The following INPP4A variants were observed in gnomAD, a reference collection of about 807,000 sequenced individuals.
INPP4A encodes inositol polyphosphate-4-phosphatase type I A, also known as inositol polyphosphate-4-phosphatase, type I, 107kD.
A neutral mutation model predicts 119.8 loss-of-function variants in INPP4A; 33 were observed. That is an observed-to-expected ratio of 0.28 (90% CI 0.21 to 0.37). INPP4A has a LOEUF of 0.37. Ranked by LOEUF, INPP4A falls within the 10% of genes least tolerant of loss-of-function variation. The probability of loss-of-function intolerance (pLI) is 1.00; values close to 1 mark genes in which losing one functional copy is unlikely to be tolerated. For synonymous variants in INPP4A, 496 were observed against 500.7 expected (o/e 0.99, Z 0.12); for missense variants, 956 against 1,289.9 (o/e 0.74, Z 3.97).
At chr2:98,445,424 C>A (rs1041713181) in intron 1 of INPP4A, among the ~76,000 whole-genome samples, 1 of 152,218 alleles carries the variant, frequency 6.6e-6, no homozygotes, top group Non-Finnish European at 1.5e-5. Flanking sequence ...AAGCTGGAGG[C>A]CTTGCCGTGT....
intron 1 of INPP4A, among the ~76,000 whole-genome samples, chr2:98,514,721 G>T (rs574775057): frequency 6.6e-6 from 1 of 152,156 alleles, no homozygotes. Context: ...TTTGAGACCA[G>T]CCTGGGCAAC....
In INPP4A at chr2:98,566,013, C is replaced by G. The variant is rs754237086; in HGVS notation, c.2280-16C>G. The stretch of plus-strand genomic sequence containing the variant: ...TCTGGCCTCACACTGCTCTCCCTCT[C>G]TCCACCTTTCTCCAGCGACGGGTTT... On this transcript the variant is annotated splice_polypyrimidine_tract_variant and intron_variant, in intron 20 of 24. Coordinates refer to ENST00000409851, the MANE Select transcript of INPP4A (RefSeq NM_001134225.2). This position sits in a 1 kb window ranked among gnomAD's most constrained non-coding sequence, Gnocchi z 4.2. 1 of 1,602,366 alleles carries G rather than the reference C, an allele frequency of 6.2e-7. No homozygotes were observed. Among genetic ancestry groups the G allele is most frequent in the Non-Finnish European group, 8.5e-7 (1 of 1,174,592 alleles).
At chr2:98,467,842 C>T (rs574977551) in intron 1 of INPP4A, among the ~76,000 whole-genome samples, 1 of 152,106 alleles carries the variant, frequency 6.6e-6, no homozygotes, top group South Asian at 2.1e-4. Flanking sequence ...TTATCTAGTT[C>T]TCTATTTAAT....
intron 13 of INPP4A, among the ~76,000 whole-genome samples, chr2:98,548,459 G>A (rs571381119): frequency 2.0e-5 from 3 of 152,170 alleles, no homozygotes; most frequent in Non-Finnish European, 4.4e-5. Flanking sequence ...GAGTGTGAGC[G>A]TGCAGCTTGA....
chr2:98,451,361 A>G (rs1574454344), intron 1 of INPP4A, among the ~76,000 whole-genome samples: 1 of 151,800 alleles, frequency 6.6e-6, no homozygotes, highest in Non-Finnish European at 1.5e-5. Context: ...CAGTGGGGGG[A>G]TCATGCTCTG....
rs1419016602 is a variant in INPP4A at position 98,590,610 on chromosome 2, C to G, written c.*3002C>G. 2 of 202,396 alleles carry G rather than the reference C, an allele frequency of 9.9e-6. No individual in the cohort carries two copies. Among genetic ancestry groups the G allele is most frequent in the Admixed American group, 1.2e-4 (2 of 16,710 alleles). 12.5% of individuals were successfully genotyped at this position (202,396 alleles called of 1,614,324 possible). Reference sequence around the variant, plus strand: ...TCATCTCTGTGGGTAACCCAGTCCTCGTTGTATGACTTGTCAAAATGCAGT... The same window carrying G: ...TCATCTCTGTGGGTAACCCAGTCCTGGTTGTATGACTTGTCAAAATGCAGT... On this transcript the variant is annotated 3_prime_UTR_variant, in exon 25 of 25. Transcript: ENST00000409851.
chr2:98,520,012 A>C lies in INPP4A; in HGVS notation c.-37A>C. The C allele has an allele frequency of 6.6e-7, 1 of 1,523,720 alleles. No homozygotes were observed. Among genetic ancestry groups the C allele is most frequent in the Non-Finnish European group, 8.9e-7 (1 of 1,119,448 alleles). 94.4% of individuals were successfully genotyped at this position (1,523,720 alleles called of 1,614,324 possible). ...TTCCCGGGTAATCAGGCGTGGTCTG[A>C]CCGAGGATCAAGAAGCACATCATCA... On this transcript the variant is annotated 5_prime_UTR_variant, in exon 3 of 25. Coordinates refer to ENST00000409851, the MANE Select transcript of INPP4A (RefSeq NM_001134225.2).
intron 1 of INPP4A, among the ~76,000 whole-genome samples, chr2:98,474,065 C>T (rs184746747): frequency 1.3e-5 from 2 of 152,288 alleles, no homozygotes; most frequent in African/African-American, 4.8e-5. Flanking sequence ...CAGACATGGA[C>T]GTTTTCATAC....
At chr2:98,472,194 G>A (rs1404118772) in intron 1 of INPP4A, among the ~76,000 whole-genome samples, 1 of 152,234 alleles carries the variant, frequency 6.6e-6, no homozygotes, top group Non-Finnish European at 1.5e-5. Context: ...GGCCAAGGAG[G>A]GCTGGGCCTT....
intron 1 of INPP4A, among the ~76,000 whole-genome samples, chr2:98,506,996 A>ATCC (rs1684185513): frequency 6.6e-6 from 1 of 152,162 alleles, no homozygotes; most frequent in Non-Finnish European, 1.5e-5. Context: ...GGGTGCTTTG[A>ATCC]TCCTCGTTCA....
chr2:98,540,016 T>G (rs12328443), intron 10 of INPP4A, among the ~76,000 whole-genome samples: 36 of 152,278 alleles, frequency 2.4e-4, no homozygotes, highest in African/African-American at 8.4e-4. Flanking sequence ...CAATGCAGCC[T>G]CTTCTCCCAG....
At chr2:98,518,519 T>C (rs1686575790) in intron 1 of INPP4A, among the ~76,000 whole-genome samples, 1 of 152,232 alleles carries the variant, frequency 6.6e-6, no homozygotes, top group South Asian at 2.1e-4. Flanking sequence ...TTGTGGGAAC[T>C]CAGTGGAGTT....
intron 1 of INPP4A, among the ~76,000 whole-genome samples, chr2:98,494,182 C>G (rs1424969926): frequency 6.6e-6 from 1 of 152,138 alleles, no homozygotes; most frequent in Non-Finnish European, 1.5e-5. Flanking sequence ...AAGTTCCCAT[C>G]AAGGGCTATG....
chr2:98,566,264 A>G lies in INPP4A; in HGVS notation c.2420+95A>G. 1 of 1,296,340 alleles carries G rather than the reference A, an allele frequency of 7.7e-7. No individual in the cohort carries two copies. The highest frequency in any genetic ancestry group is 1.0e-6 in the Non-Finnish European group (1 of 972,040). 80.3% of individuals were successfully genotyped at this position (1,296,340 alleles called of 1,614,324 possible). Reference sequence around the variant, plus strand: ...CCTCTTCAGGCTCTAAGTGCTGGACAGACTTTGTCATCCTTCCTTCCTTTG... The same window carrying G: ...CCTCTTCAGGCTCTAAGTGCTGGACGGACTTTGTCATCCTTCCTTCCTTTG... On this transcript the variant is annotated intron_variant, in intron 21 of 24. Coordinates refer to ENST00000409851, the MANE Select transcript of INPP4A (RefSeq NM_001134225.2). The surrounding 1 kb of genome is among the most constrained non-coding windows in gnomAD (Gnocchi z 4.2).
At chr2:98,476,483 C>T (rs985916517) in intron 1 of INPP4A, among the ~76,000 whole-genome samples, 1 of 152,206 alleles carries the variant, frequency 6.6e-6, no homozygotes, top group Admixed American at 6.5e-5. Flanking sequence ...CTCTCCTTCA[C>T]CAAGCCCCCT....
At chr2:98,549,871 A>C (rs1296017168) in intron 13 of INPP4A, among the ~76,000 whole-genome samples, 1 of 152,076 alleles carries the variant, frequency 6.6e-6, no homozygotes, top group Non-Finnish European at 1.5e-5. Flanking sequence ...CTGCCTCCTT[A>C]ATGGAGCAGA....
intron 1 of INPP4A, among the ~76,000 whole-genome samples, chr2:98,513,604 A>G (rs1685548082): frequency 6.6e-6 from 1 of 152,220 alleles, no homozygotes; most frequent in Non-Finnish European, 1.5e-5. Flanking sequence ...TTGGCTGGTG[A>G]CAGACCTGAG....
At chr2:98,467,696 T>C (rs368006723) in intron 1 of INPP4A, among the ~76,000 whole-genome samples, 1 of 152,238 alleles carries the variant, frequency 6.6e-6, no homozygotes, top group Non-Finnish European at 1.5e-5. Context: ...TTTGATTTTC[T>C]TGTCTGTATA....
At position 98,542,816 on chromosome 2, in the gene INPP4A, T is replaced by C. The variant is rs10190954; in HGVS notation, c.819-1061T>C. 4.9e-3 allele frequency among the ~76,000 whole-genome samples: 749 copies of C among 152,102 alleles called. 6 individuals carry two copies. The highest frequency in any genetic ancestry group is 0.017 in the African/African-American group (705 of 41,484). ...TCTCTTCTCTTCCTCCTCTTCCCCCTTCCCCCTTCTGTTACCCTGTGCCTC... is the reference window on the plus strand; with the variant it reads ...TCTCTTCTCTTCCTCCTCTTCCCCCCTCCCCCTTCTGTTACCCTGTGCCTC... On this transcript the variant is annotated intron_variant, in intron 10 of 24. Coordinates refer to ENST00000409851, the MANE Select transcript of INPP4A (RefSeq NM_001134225.2).
Sources: allele counts gnomAD v4.1 joint callset (sites outside exome capture counted in the v4.1 genomes callset), GRCh38; gene constraint gnomAD v4.1.1; non-coding constraint Gnocchi (gnomAD v3.1); transcripts MANE v1.5; gene names NCBI Gene and HGNC (gene_info 2026-07-23, HGNC 2026-07-21).